The following NR3C2 variants were observed in gnomAD, a reference collection of about 807,000 sequenced individuals.
NR3C2 encodes the protein nuclear receptor subfamily 3 group C member 2, also known as mineralocorticoid receptor.
NR3C2 carries 15 observed loss-of-function variants against 86.4 expected under a neutral mutation model. That is an observed-to-expected ratio of 0.17 (90% CI 0.12 to 0.27). The LOEUF is 0.27. Among genes scored for constraint, NR3C2 ranks in the 10% least tolerant of loss-of-function variants. NR3C2 has a pLI of 1.00. For synonymous variants in NR3C2, 458 were observed against 450.5 expected (o/e 1.02, Z -0.21); for missense variants, 960 against 1,195.6 (o/e 0.80, Z 2.91).
chr4:148,225,958 T>C (rs1738138250), intron 3 of NR3C2, among the ~76,000 whole-genome samples: 1 of 152,174 alleles, frequency 6.6e-6, no homozygotes. Flanking sequence ...AGTAGACATT[T>C]TCAGATATCT....
chr4:148,144,641 G>A (rs1055106389), intron 6 of NR3C2, among the ~76,000 whole-genome samples: 2 of 152,186 alleles, frequency 1.3e-5, no homozygotes, highest in Non-Finnish European at 2.9e-5. Flanking sequence ...CTCTCTCCCT[G>A]TATATAACTG....
intron 2 of NR3C2, among the ~76,000 whole-genome samples, chr4:148,299,883 C>T (rs1208184961): frequency 6.6e-6 from 1 of 151,690 alleles, no homozygotes; most frequent in Non-Finnish European, 1.5e-5. Flanking sequence ...GTCCTTTTTT[C>T]CCTTTTAGAA....
In NR3C2 at chr4:148,254,748, A is replaced by G. The variant is rs148744017; in HGVS notation, c.1897+5230T>C. ...AGAAAAAATATCTTTAAGGTGTTTC[A>G]TAAGAAAGCAGTAAGCAGACAGTCC... On this transcript the variant is annotated intron_variant, in intron 3 of 8. Transcript: ENST00000358102. Among the ~76,000 whole-genome samples, 5 of 152,314 alleles carry G rather than the reference A, an allele frequency of 3.3e-5. No individual in the cohort carries two copies. In the East Asian group the frequency reaches 9.7e-4, roughly 29 times the overall value.
chr4:148,123,810 A>G (rs1732625147), intron 6 of NR3C2, among the ~76,000 whole-genome samples: 1 of 152,226 alleles, frequency 6.6e-6, no homozygotes, highest in Admixed American at 6.5e-5. Context: ...TCTCTCATAC[A>G]CACACACTCC....
chr4:148,293,432 C>T, intron 2 of NR3C2, among the ~76,000 whole-genome samples: 1 of 152,138 alleles, frequency 6.6e-6, no homozygotes. Context: ...TCAGAAACTC[C>T]CAGGCAGTGA....
intron 6 of NR3C2, among the ~76,000 whole-genome samples, chr4:148,136,865 A>T (rs1733371747): frequency 6.6e-6 from 1 of 152,112 alleles, no homozygotes; most frequent in Admixed American, 6.5e-5. Context: ...CCATTTATGC[A>T]TTTAGGTCTT....
chr4:148,169,529 T>C (rs1735031364), intron 4 of NR3C2, among the ~76,000 whole-genome samples: 1 of 151,234 alleles, frequency 6.6e-6, no homozygotes, highest in African/African-American at 2.4e-5. Context: ...AAATCATGTA[T>C]ATAAATATAT....
chr4:148,370,547 A>G (rs1325474863), intron 2 of NR3C2, among the ~76,000 whole-genome samples: 2 of 152,202 alleles, frequency 1.3e-5, no homozygotes, highest in Non-Finnish European at 2.9e-5. Context: ...TACATATGAA[A>G]GAAACAGACG....
At chr4:148,096,048 T>G (rs1223409569) in intron 8 of NR3C2, among the ~76,000 whole-genome samples, 1 of 152,230 alleles carries the variant, frequency 6.6e-6, no homozygotes, top group African/African-American at 2.4e-5. Context: ...CTTCTAATTT[T>G]TTTGTTTAAT....
intron 2 of NR3C2, among the ~76,000 whole-genome samples, chr4:148,336,350 A>G (rs1310738578): frequency 1.3e-5 from 2 of 152,230 alleles, no homozygotes; most frequent in Admixed American, 1.3e-4. Context: ...CAGATCTGAC[A>G]GGATTCCCAT....
At chr4:148,174,495 C>G (rs1458549546) in intron 4 of NR3C2, among the ~76,000 whole-genome samples, 1 of 152,202 alleles carries the variant, frequency 6.6e-6, no homozygotes, top group Admixed American at 6.5e-5. Context: ...CCTGAAGACA[C>G]TAGCTATGCA....
intron 2 of NR3C2, among the ~76,000 whole-genome samples, chr4:148,304,572 GC>G (rs1317842118): frequency 6.6e-6 from 1 of 152,058 alleles, no homozygotes; most frequent in Non-Finnish European, 1.5e-5. Context: ...AGAACTGACT[GC>G]CATTTTCCCA....
intron 5 of NR3C2, 49 bp from the exon 6 acceptor site, chr4:148,152,662 C>G (rs777269304): frequency 1.1e-5 from 17 of 1,589,840 alleles, no homozygotes; most frequent in Non-Finnish European, 1.3e-5. Flanking sequence ...CATTTAAGTA[C>G]ATTCCAGGAA....
intron 4 of NR3C2, among the ~76,000 whole-genome samples, chr4:148,158,639 T>C (rs965957635): frequency 1.3e-5 from 2 of 152,188 alleles, no homozygotes; most frequent in Non-Finnish European, 2.9e-5. Flanking sequence ...AATGGTGATA[T>C]TTTCAAATTT....
chr4:148,433,194 ATAG>A (rs1471551629), intron 2 of NR3C2, among the ~76,000 whole-genome samples: 1 of 152,186 alleles, frequency 6.6e-6, no homozygotes, highest in African/African-American at 2.4e-5. Context: ...TACATTTAAA[ATAG>A]TAGAAATAGG....
chr4:148,158,458 A>G (rs1277183256), intron 4 of NR3C2, among the ~76,000 whole-genome samples: 1 of 152,224 alleles, frequency 6.6e-6, no homozygotes, highest in African/African-American at 2.4e-5. Flanking sequence ...GGGTATGACA[A>G]ATAAAAACAT....
At chr4:148,237,100 T>A (rs1435040348) in intron 3 of NR3C2, among the ~76,000 whole-genome samples, 2 of 152,212 alleles carry the variant, frequency 1.3e-5, no homozygotes, top group African/African-American at 4.8e-5. Context: ...TGAACTTTAA[T>A]GAATACTGAA....
chr4:148,391,886 A>T (rs1747597281), intron 2 of NR3C2, among the ~76,000 whole-genome samples: 1 of 151,774 alleles, frequency 6.6e-6, no homozygotes, highest in Non-Finnish European at 1.5e-5. Flanking sequence ...AAAAAAAGAA[A>T]GTCAAATGTC....
At chr4:148,302,468 A>C (rs2149923928) in intron 2 of NR3C2, among the ~76,000 whole-genome samples, 1 of 152,278 alleles carries the variant, frequency 6.6e-6, no homozygotes. Context: ...GAATTTAGAA[A>C]CTAGTTGTGA....
Sources: gnomAD v4.1 joint callset for allele counts (sites outside exome capture counted in the v4.1 genomes callset) on GRCh38, gnomAD v4.1.1 for gene constraint, MANE v1.5 for transcripts, NCBI Gene and HGNC (gene_info 2026-07-23, HGNC 2026-07-21) for gene names.